GLB1L3: variants seen among roughly 807,000 people sequenced by gnomAD.
GLB1L3 encodes the protein beta-galactosidase-1-like protein 3.
Under a neutral mutation model 89.5 loss-of-function variants are expected in GLB1L3, and 89 were observed. The observed-to-expected ratio is 0.99, with a 90% CI of 0.84 to 1.19. The LOEUF is 1.19. Among genes scored for constraint, GLB1L3 ranks in the 50% most tolerant of loss-of-function variants. The probability of loss-of-function intolerance (pLI) is 0.00; values close to 1 mark genes in which losing one functional copy is unlikely to be tolerated. For missense variants in GLB1L3, 812 were observed against 813.3 expected, an observed-to-expected ratio of 1.00 and a Z score of 0.02; for synonymous variants, 314 against 312.3, an observed-to-expected ratio of 1.01 and a Z score of -0.06.
chr11:134,298,587 C>T (rs191180747), intron 9 of GLB1L3, among the ~76,000 whole-genome samples: 5 of 152,248 alleles, frequency 3.3e-5, no homozygotes, highest in South Asian at 2.1e-4. Flanking sequence ...CAGTCTTTCC[C>T]GTGCTATTCT....
chr11:134,308,181 TCACCATCATCACCATCACCACTACCAC>T, intron 10 of GLB1L3, among the ~76,000 whole-genome samples: 1 of 80,650 alleles, frequency 1.2e-5, no homozygotes, highest in South Asian at 5.2e-4. Flanking sequence ...ACCACCACCA[TCACCATCATCACCATCACCACTACCAC>T]CACCACCATC....
chr11:134,284,732 A>T (rs1176787208), intron 6 of GLB1L3, among the ~76,000 whole-genome samples: 1 of 151,958 alleles, frequency 6.6e-6, no homozygotes, highest in Non-Finnish European at 1.5e-5. Flanking sequence ...CTGTCTCAAA[A>T]AACAAAACGA....
chr11:134,281,600 T>C, intron 4 of GLB1L3, among the ~76,000 whole-genome samples, 155 bp downstream of exon 4: 1 of 133,814 alleles, frequency 7.5e-6, no homozygotes, highest in African/African-American at 2.8e-5. Context: ...ACCCAGACGC[T>C]CCCCAACCGT....
chr11:134,310,553 G>T lies in GLB1L3; in HGVS notation c.1100-18G>T. The T allele has an allele frequency of 6.2e-7, 1 of 1,601,922 alleles. No individual in the cohort carries two copies. The highest frequency in any genetic ancestry group is 8.5e-7 in the Non-Finnish European group (1 of 1,170,760). On this transcript the variant is annotated intron_variant, in intron 11 of 19. Transcript: ENST00000431683. ...TGCAGAGACTGCATGGCTGGTGACTGGCCCTGGTGTCTTGCAGACTATGAT... is the reference window on the plus strand; with the variant it reads ...TGCAGAGACTGCATGGCTGGTGACTTGCCCTGGTGTCTTGCAGACTATGAT...
chr11:134,309,798 G>A, intron 11 of GLB1L3, 35 bp downstream of exon 11: 1 of 1,605,938 alleles, frequency 6.2e-7, no homozygotes, highest in Non-Finnish European at 8.5e-7. Flanking sequence ...TCTCCAGCAT[G>A]GGCGGTGCTG....
intron 9 of GLB1L3, among the ~76,000 whole-genome samples, chr11:134,303,481 A>G (rs1053155745): frequency 6.6e-6 from 1 of 151,874 alleles, no homozygotes; most frequent in Non-Finnish European, 1.5e-5. Context: ...GTTTTTTCCT[A>G]TGTCATTCTG....
chr11:134,278,657 C>T (rs1228926043), intron 3 of GLB1L3, among the ~76,000 whole-genome samples: 1 of 152,156 alleles, frequency 6.6e-6, no homozygotes, highest in Non-Finnish European at 1.5e-5. Flanking sequence ...CCTGCCACCA[C>T]CATTTTGTGG....
intron 5 of GLB1L3, among the ~76,000 whole-genome samples, chr11:134,282,365 G>A (rs1299819461): frequency 3.3e-5 from 5 of 152,058 alleles, no homozygotes; most frequent in Admixed American, 6.5e-5. Context: ...TTGGTCCTGG[G>A]GCCTTGGGCA....
chr11:134,288,838 ATG>A lies in GLB1L3; in HGVS notation c.678_679del (p.Asn226LysfsTer7). The A allele has an allele frequency of 6.2e-7, 1 of 1,613,632 alleles. No homozygotes were observed. The highest frequency in any genetic ancestry group is 1.1e-5 in the South Asian group (1 of 91,028). ...CCTGTCATCGCGGTGCAAGTGGAGA[ATG>A]AGTATGGCTCATTCAATAAGGATAA... is the stretch of plus-strand genomic sequence containing the variant. On this transcript the variant is annotated frameshift_variant, in exon 7 of 20. Transcript: ENST00000431683. LOFTEE classifies it high-confidence loss of function.
At chr11:134,298,417 C>A (rs1040402317) in intron 9 of GLB1L3, among the ~76,000 whole-genome samples, 5 of 152,042 alleles carry the variant, frequency 3.3e-5, no homozygotes, top group Non-Finnish European at 7.4e-5. Flanking sequence ...AAATTCTCAA[C>A]AAAGGATGAG....
In GLB1L3 at chr11:134,308,383, C is replaced by T. The variant is rs868597391; in HGVS notation, c.961+1175C>T. Among the ~76,000 whole-genome samples the T allele has an allele frequency of 8.2e-3, 562 of 68,142 alleles. 4 individuals are homozygous for T. Among genetic ancestry groups the T allele is most frequent in the Admixed American group, 0.041 (230 of 5,630 alleles). The allele number at this position is 68,142 out of a possible 152,430, so 44.7% of individuals were successfully genotyped here. On this transcript the variant is annotated intron_variant, in intron 10 of 19. Transcript: ENST00000431683. ...ACCACCACCACCACCACCACCATCACCACCATCACCACCATCACCATCACC... is the reference window on the plus strand; with the variant it reads ...ACCACCACCACCACCACCACCATCATCACCATCACCACCATCACCATCACC...
intron 10 of GLB1L3, among the ~76,000 whole-genome samples, chr11:134,308,471 CAAATACCACCACCACCATCACCACCAAAT>C (rs1565413888): frequency 1.5e-3 from 9 of 5,938 alleles, no homozygotes; most frequent in Admixed American, 3.8e-3. Context: ...CCACCACCAC[CAAATACCACCACCACCATCACCACCAAAT>C]ACCACCACCA....
chr11:134,305,437 C>T (rs1591572542), intron 9 of GLB1L3: 6 of 223,040 alleles, frequency 2.7e-5, no homozygotes, highest in Non-Finnish European at 5.2e-5. Flanking sequence ...GCGCTTCTTC[C>T]TCCTCATTTA....
In GLB1L3 at chr11:134,312,442, A is replaced by G; in HGVS notation, c.1381A>G (p.Ile461Val). Residue 461 changes from isoleucine (I) to valine (V), a missense_variant, in exon 14 of 20, where the codon ATC becomes GTC. By Grantham distance (29) the Ile-to-Val change is conservative. Transcript: ENST00000431683. ...SYGLVLYEKS[I>V]CSGGRLRAHA... ...CGGGCTTGTCCTGTATGAGAAGTCC[A>G]TCTGCTCCGGAGGCCGCCTCCGTGC... The G allele has an allele frequency of 1.9e-6, 3 of 1,613,584 alleles. No individual in the cohort carries two copies. The highest frequency in any genetic ancestry group is 2.5e-6 in the Non-Finnish European group (3 of 1,179,890).
intron 9 of GLB1L3, chr11:134,305,369 G>C (rs1467476163): frequency 4.2e-6 from 2 of 471,306 alleles, no homozygotes; most frequent in Non-Finnish European, 7.5e-6. Context: ...TAAAATCTTC[G>C]ACAAAGAGCA....
intron 9 of GLB1L3, among the ~76,000 whole-genome samples, chr11:134,299,890 C>G (rs1174910264): frequency 6.6e-6 from 1 of 152,126 alleles, no homozygotes. Flanking sequence ...TCCCCTGCCC[C>G]TTTCCCAGAT....
chr11:134,287,372 T>C (rs1941075495), intron 6 of GLB1L3: 1 of 152,254 alleles, frequency 6.6e-6, no homozygotes, highest in African/African-American at 2.4e-5. Context: ...CTTGCACTAA[T>C]TTAATTATTG....
chr11:134,308,374 CCACCA>C (rs1942417966), intron 10 of GLB1L3, among the ~76,000 whole-genome samples: 2 of 44,188 alleles, frequency 4.5e-5, no homozygotes, highest in African/African-American at 1.2e-4. Flanking sequence ...ACCACCACCA[CCACCA>C]TCACCACCAT....
intron 4 of GLB1L3, 25 bp downstream of exon 4, chr11:134,281,470 C>G: frequency 1.4e-6 from 2 of 1,441,494 alleles, no homozygotes; most frequent in Non-Finnish European, 9.7e-7. Context: ...TGCTTCTGTG[C>G]CCTGGTCAGG....
Sources: allele counts gnomAD v4.1 joint callset (sites outside exome capture counted in the v4.1 genomes callset), GRCh38; gene constraint gnomAD v4.1.1; transcripts MANE v1.5; gene names NCBI Gene and HGNC (gene_info 2026-07-23, HGNC 2026-07-21).